Variants in EBF4 observed in about 807,000 individuals in gnomAD.
EBF4 encodes the protein EBF transcription factor 4, also known as transcription factor COE4.
In EBF4, 34 loss-of-function variants were observed where a neutral mutation model predicts 67.1. That is an observed-to-expected ratio of 0.51 (90% CI 0.39 to 0.67). The LOEUF (loss-of-function observed/expected upper bound fraction) is 0.67, where lower values mean the gene tolerates loss of function less well. Ranked by LOEUF, EBF4 falls within the 30% of genes least tolerant of loss-of-function variation. The pLI is 0.00. For missense variants in EBF4, 837 were observed against 873.3 expected (o/e 0.96, Z 0.52); for synonymous variants, 387 against 377.7 (o/e 1.02, Z -0.29).
At chr20:2,740,485 C>G (rs2087951538) in intron 6 of EBF4, among the ~76,000 whole-genome samples, 2 of 152,138 alleles carry the variant, frequency 1.3e-5, no homozygotes, top group Admixed American at 6.6e-5. Flanking sequence ...CCTGACAGAC[C>G]TGTAGTGGAA....
intron 5 of EBF4, 121 bp downstream of exon 5, chr20:2,708,141 A>C: frequency 1.9e-6 from 2 of 1,030,632 alleles, no homozygotes; most frequent in Non-Finnish European, 2.8e-6. Flanking sequence ...CTCCCTGGAG[A>C]AGCCTGGTGG....
At chr20:2,735,402 A>G (rs903777280) in intron 6 of EBF4, among the ~76,000 whole-genome samples, 7 of 152,034 alleles carry the variant, frequency 4.6e-5, no homozygotes, top group Non-Finnish European at 8.8e-5. Context: ...AAACACCACA[A>G]AGCTTTCTGT....
chr20:2,705,782 C>CA (rs1275410951), intron 2 of EBF4, 49 bp downstream of exon 2: 77 of 1,380,282 alleles, frequency 5.6e-5, no homozygotes, highest in Non-Finnish European at 6.7e-5. Context: ...AGGGAACCCC[C>CA]AACCACACAC....
chr20:2,723,767 TAGGTG>T (rs1335540661), intron 6 of EBF4, among the ~76,000 whole-genome samples: 6,893 of 152,310 alleles, frequency 0.045, 498 homozygotes, highest in African/African-American at 0.15. Flanking sequence ...TATTGGTGTA[TAGGTG>T]ACAAATAAAA....
rs2088136399 is a variant in EBF4, at chr20:2,751,017, G to A, written c.1019-683G>A. On this transcript the variant is annotated intron_variant, in intron 10 of 16. Coordinates refer to ENST00000609451, the Ensembl canonical transcript of EBF4. The surrounding 1 kb of genome is among the most constrained non-coding windows in gnomAD (Gnocchi z 5.2). Reference sequence around the variant, plus strand: ...CAGGCTATCTGAAAAGGGCGGTGCGGGGATCAGGAAAAGGGGAAGGAGGAG... The same window carrying A: ...CAGGCTATCTGAAAAGGGCGGTGCGAGGATCAGGAAAAGGGGAAGGAGGAG... Among the ~76,000 whole-genome samples the A allele has an allele frequency of 6.6e-6, 1 of 152,186 alleles. No homozygotes were observed. Among genetic ancestry groups the A allele is most frequent in the Non-Finnish European group, 1.5e-5 (1 of 68,032 alleles).
chr20:2,753,119 C>T (rs1048699975), intron 14 of EBF4, among the ~76,000 whole-genome samples: 2 of 152,200 alleles, frequency 1.3e-5, no homozygotes, highest in African/African-American at 4.8e-5. Context: ...CAGGAGCTGC[C>T]GGGCATTCAG....
At chr20:2,748,421 T>A (rs1268976271) in intron 6 of EBF4, 128 bp from the exon 7 acceptor site, 7 of 809,736 alleles carry the variant, frequency 8.6e-6, no homozygotes, top group Non-Finnish European at 1.4e-5. Context: ...GAATATGGGA[T>A]GTGTGCCTGA....
rs1359916140 is a variant in EBF4 at position 2,755,761 on chromosome 20, G to A, written c.1675G>A (p.Val559Met). ...CAAACAGAGGAGCGCCTTCGCCCCCGTGCTGCGCCCCCCAAGCTCCCCACC... is the reference window on the plus strand; with the variant it reads ...CAAACAGAGGAGCGCCTTCGCCCCCATGCTGCGCCCCCCAAGCTCCCCACC... Residue 559 changes from valine to methionine, a missense_variant, in exon 15 of 17, where the codon GTG (valine) becomes ATG (methionine). Val to Met is a conservative substitution (Grantham distance 21, BLOSUM62 1). Coordinates refer to ENST00000609451, the Ensembl canonical transcript of EBF4. This position sits in a 1 kb window ranked among gnomAD's most constrained non-coding sequence, Gnocchi z 4.7. The A allele has an allele frequency of 5.8e-6, 9 of 1,550,150 alleles. No homozygotes were observed. Among genetic ancestry groups the A allele is most frequent in the East Asian group, 2.4e-5 (1 of 40,888 alleles).
intron 1 of EBF4, among the ~76,000 whole-genome samples, chr20:2,695,500 C>T (rs2087275931): frequency 6.6e-6 from 1 of 152,072 alleles, no homozygotes; most frequent in Non-Finnish European, 1.5e-5. Context: ...AGAGGGCTTC[C>T]GCAATGTGAA....
chr20:2,737,091 T>A (rs1406535429), intron 6 of EBF4, among the ~76,000 whole-genome samples: 3 of 150,022 alleles, frequency 2.0e-5, no homozygotes, highest in Non-Finnish European at 4.4e-5. Flanking sequence ...CTACTAAAAA[T>A]ACCAAAAAAT....
In EBF4 at chr20:2,756,085, C is replaced by CA. The variant is rs2088239234; in HGVS notation, c.1738+262dup. On this transcript the variant is annotated intron_variant, in intron 15 of 16. Coordinates refer to ENST00000609451, the Ensembl canonical transcript of EBF4. This position sits in a 1 kb window ranked among gnomAD's most constrained non-coding sequence, Gnocchi z 4.5. ...TTGGCCAAGGGGAAGAGACTCAAAT[C>CA]ACAGTTGATGAGGTCTAGAAACTAC... 6.6e-6 allele frequency among the ~76,000 whole-genome samples: 1 copy of CA among 152,220 alleles called. No individual in the cohort carries two copies. Among genetic ancestry groups the CA allele is most frequent in the African/African-American group, 2.4e-5 (1 of 41,460 alleles).
At chr20:2,723,841 GCTTT>G (rs1252116129) in intron 6 of EBF4, among the ~76,000 whole-genome samples, 3 of 151,658 alleles carry the variant, frequency 2.0e-5, no homozygotes, top group Non-Finnish European at 4.4e-5. Context: ...ATTGCTTTGT[GCTTT>G]CTATTTGTTC....
intron 6 of EBF4, 54 bp from the exon 7 acceptor site, chr20:2,748,495 T>C: frequency 1.3e-6 from 2 of 1,512,074 alleles, no homozygotes; most frequent in Middle Eastern, 1.7e-4. Flanking sequence ...AGTTGGATCT[T>C]CATCTGTTTC....
intron 6 of EBF4, among the ~76,000 whole-genome samples, chr20:2,736,670 G>C (rs1247193292): frequency 6.6e-6 from 1 of 152,134 alleles, no homozygotes; most frequent in Admixed American, 6.5e-5. Context: ...TTTCCCTCTT[G>C]CCACCTGAAT....
intron 5 of EBF4, 44 bp downstream of exon 5, chr20:2,708,064 G>A (rs370949738): frequency 3.1e-5 from 48 of 1,565,830 alleles, no homozygotes; most frequent in African/African-American, 1.5e-4. Context: ...CTGCCAAGGC[G>A]TTTCTGAGGA....
downstream of EBF4, chr20:2,759,409 C>T (rs536167251): frequency 1.3e-5 from 3 of 234,744 alleles, no homozygotes; most frequent in South Asian, 7.2e-5. Context: ...AGGCCTTCAC[C>T]CCATGCTCAA....
intron 1 of EBF4, among the ~76,000 whole-genome samples, chr20:2,695,071 C>T (rs1408329328): frequency 1.3e-5 from 2 of 151,244 alleles, no homozygotes; most frequent in Admixed American, 1.3e-4. Flanking sequence ...TTGTGTTTTC[C>T]TGTGCTATGC....
intron 6 of EBF4, among the ~76,000 whole-genome samples, chr20:2,721,173 C>G (rs1455996771): frequency 6.7e-6 from 1 of 150,024 alleles, no homozygotes. Flanking sequence ...TTTTCTACCC[C>G]TCTTCTTTGG....
At chr20:2,732,346 T>C (rs529510429) in intron 6 of EBF4, among the ~76,000 whole-genome samples, 3 of 152,330 alleles carry the variant, frequency 2.0e-5, no homozygotes, top group Non-Finnish European at 4.4e-5. Flanking sequence ...GGTCTTGAGC[T>C]CCTGGATTCA....
Sources: gnomAD v4.1 joint callset for allele counts (sites outside exome capture counted in the v4.1 genomes callset) on GRCh38, gnomAD v4.1.1 for gene constraint, Gnocchi (gnomAD v3.1) non-coding constraint, MANE v1.5 for transcripts, NCBI Gene and HGNC (gene_info 2026-07-23, HGNC 2026-07-21) for gene names.